The following KCNH1 variants were observed in gnomAD, a reference collection of about 807,000 sequenced individuals.
KCNH1 encodes the protein voltage-gated delayed rectifier potassium channel KCNH1.
Under a neutral mutation model 69.2 loss-of-function variants are expected in KCNH1, and 27 were observed. That is an observed-to-expected ratio of 0.39 (90% CI 0.29 to 0.54). KCNH1 has a LOEUF of 0.54. Ranked by LOEUF, KCNH1 falls within the 20% of genes least tolerant of loss-of-function variation. KCNH1 has a pLI of 0.68. For missense variants in KCNH1, 798 were observed against 1,261.6 expected (o/e 0.63, Z 5.57); for synonymous variants, 456 against 487.7 (o/e 0.93, Z 0.86).
chr1:210,845,817 T>C (rs1685530412), intron 7 of KCNH1, among the ~76,000 whole-genome samples: 1 of 152,182 alleles, frequency 6.6e-6, no homozygotes, highest in East Asian at 1.9e-4. Context: ...CATGATTGTA[T>C]ATCTAGAAAA....
intron 6 of KCNH1, among the ~76,000 whole-genome samples, chr1:210,949,147 GA>G (rs1688017411): frequency 6.6e-6 from 1 of 151,994 alleles, no homozygotes. Context: ...TACTTAAAGG[GA>G]AAAAAGATAC....
At chr1:211,006,533 G>C (rs1419161880) in intron 6 of KCNH1, among the ~76,000 whole-genome samples, 2 of 152,110 alleles carry the variant, frequency 1.3e-5, no homozygotes, top group Admixed American at 6.6e-5. Context: ...AAGTTGCTCT[G>C]GGGGAGGAGC....
chr1:210,923,379 A>T (rs775690228), intron 6 of KCNH1, among the ~76,000 whole-genome samples: 5 of 152,124 alleles, frequency 3.3e-5, no homozygotes, highest in African/African-American at 4.8e-5. Context: ...GCAGTCATTC[A>T]TAGAGATAAA....
intron 10 of KCNH1, among the ~76,000 whole-genome samples, chr1:210,723,975 G>A (rs948853684): frequency 1.3e-5 from 2 of 152,162 alleles, no homozygotes; most frequent in Non-Finnish European, 1.5e-5. Flanking sequence ...TTCCCACTGT[G>A]GCCGGGGAAA....
At chr1:210,896,551 ACAGAGTC>A (rs2102529547) in intron 7 of KCNH1, among the ~76,000 whole-genome samples, 1 of 152,346 alleles carries the variant, frequency 6.6e-6, no homozygotes, top group South Asian at 2.1e-4. Flanking sequence ...CAGAATAAGT[ACAGAGTC>A]CTGGCTGGAC....
intron 10 of KCNH1, among the ~76,000 whole-genome samples, chr1:210,691,599 A>G (rs537135990): frequency 1.3e-5 from 2 of 152,182 alleles, no homozygotes; most frequent in South Asian, 4.1e-4. Context: ...CTCTCAGTAT[A>G]TGTTGATGAC....
At chr1:211,121,320 A>T (rs952772735) in intron 1 of KCNH1, among the ~76,000 whole-genome samples, 2 of 152,222 alleles carry the variant, frequency 1.3e-5, no homozygotes, top group African/African-American at 4.8e-5. Context: ...TGGTACTGGT[A>T]CCAAAACAGA....
chr1:210,848,517 C>A (rs149892749), intron 7 of KCNH1, among the ~76,000 whole-genome samples: 356 of 152,320 alleles, frequency 2.3e-3, no homozygotes, highest in Non-Finnish European at 4.0e-3. Context: ...ATATCACTGA[C>A]ATTACTGGCC....
intron 7 of KCNH1, among the ~76,000 whole-genome samples, chr1:210,850,371 C>A (rs143660094): frequency 1.3e-5 from 2 of 151,872 alleles, no homozygotes; most frequent in African/African-American, 4.8e-5. Flanking sequence ...AGTAGCTGGG[C>A]GTGGTGGCGC....
chr1:210,832,921 T>TATATATATATATATATAC (rs10693882), intron 7 of KCNH1, among the ~76,000 whole-genome samples: 66 of 144,294 alleles, frequency 4.6e-4, no homozygotes, highest in African/African-American at 1.2e-3. Context: ...TATATATATA[T>TATATATATATATATATAC]ACATATAAAT....
chr1:210,724,878 C>G (rs1682552407), intron 10 of KCNH1, among the ~76,000 whole-genome samples: 1 of 152,184 alleles, frequency 6.6e-6, no homozygotes, highest in African/African-American at 2.4e-5. Flanking sequence ...GCAACATCAT[C>G]AGGATTGAAA....
intron 6 of KCNH1, among the ~76,000 whole-genome samples, chr1:210,971,291 G>A (rs188455647): frequency 6.6e-6 from 1 of 152,126 alleles, no homozygotes; most frequent in African/African-American, 2.4e-5. Flanking sequence ...CATCTTATAT[G>A]TCTAAATATT....
chr1:211,034,788 G>C (rs1202088738), intron 5 of KCNH1, among the ~76,000 whole-genome samples: 1 of 152,182 alleles, frequency 6.6e-6, no homozygotes, highest in African/African-American at 2.4e-5. Context: ...TCAAGATACA[G>C]TCTGGGTGAT....
At chr1:211,115,411 G>A (rs1470173294) in intron 1 of KCNH1, among the ~76,000 whole-genome samples, 1 of 152,106 alleles carries the variant, frequency 6.6e-6, no homozygotes. Context: ...TGCCAAAGGA[G>A]ATTAACATTT....
rs17188860 is a variant in KCNH1 at position 211,090,494 on chromosome 1, T to A, written c.439+68A>T. 0.062 allele frequency: 87,777 copies of A among 1,411,246 alleles called. 3,069 individuals are homozygous for A. The highest frequency in any genetic ancestry group is 0.07 in the Non-Finnish European group (72,412 of 1,037,578). The allele number at this position is 1,411,246 out of a possible 1,614,324, so 87.4% of individuals were successfully genotyped here. ...TGATTGCCTTGACAACCTTAAATGCTCTGTAACAAGAGCCACAATAAAGAC... is the reference window on the plus strand; with the variant it reads ...TGATTGCCTTGACAACCTTAAATGCACTGTAACAAGAGCCACAATAAAGAC... On this transcript the variant is annotated intron_variant, in intron 4 of 10. Transcript: ENST00000271751.
intron 7 of KCNH1, among the ~76,000 whole-genome samples, chr1:210,844,201 T>C (rs949858176): frequency 2.0e-5 from 3 of 152,152 alleles, no homozygotes; most frequent in African/African-American, 4.8e-5. Context: ...TTCCTAACAC[T>C]CTGTCTGGCA....
chr1:211,111,396 G>A (rs990491591), intron 1 of KCNH1, among the ~76,000 whole-genome samples: 28 of 150,572 alleles, frequency 1.9e-4, no homozygotes, highest in Non-Finnish European at 7.4e-5. Context: ...GCATGGTCTG[G>A]GAAGTCAGGA....
In KCNH1 at chr1:211,134,027, A is replaced by T; in HGVS notation, c.-82T>A. 7.9e-7 allele frequency: 1 copy of T among 1,270,718 alleles called. No individual in the cohort carries two copies. The highest frequency in any genetic ancestry group is 1.1e-6 in the Non-Finnish European group (1 of 887,792). 78.7% of individuals were successfully genotyped at this position (1,270,718 alleles called of 1,614,324 possible). On this transcript the variant is annotated 5_prime_UTR_variant, in exon 1 of 11. Coordinates refer to ENST00000271751, the MANE Select transcript of KCNH1 (RefSeq NM_172362.3). This position sits in a 1 kb window ranked among gnomAD's most constrained non-coding sequence, Gnocchi z 5.7. ...GAAACTGGCCTCGGGGCCCGCACGC[A>T]GTCCCGGCTCGAAGCGCCCCATGCG...
chr1:210,769,552 A>G (rs1683709865), intron 10 of KCNH1, among the ~76,000 whole-genome samples: 2 of 152,212 alleles, frequency 1.3e-5, no homozygotes, highest in African/African-American at 4.8e-5. Context: ...CACTGCACAA[A>G]ACAAACTCTA....
Sources: gnomAD v4.1 joint callset for allele counts (sites outside exome capture counted in the v4.1 genomes callset) on GRCh38, gnomAD v4.1.1 for gene constraint, Gnocchi (gnomAD v3.1) non-coding constraint, MANE v1.5 for transcripts, NCBI Gene and HGNC (gene_info 2026-07-23, HGNC 2026-07-21) for gene names.